KIAA0319L: variants seen among roughly 807,000 people sequenced by gnomAD.
KIAA0319L encodes dyslexia-associated protein KIAA0319-like protein.
KIAA0319L carries 55 observed loss-of-function variants against 120.1 expected under a neutral mutation model. The ratio of observed to expected loss-of-function variants is 0.46; its 90% confidence interval spans 0.37 to 0.57. The LOEUF is 0.57. Ranked by LOEUF, KIAA0319L falls within the 20% of genes least tolerant of loss-of-function variation. KIAA0319L has a pLI of 0.00. For missense variants in KIAA0319L, 1,049 were observed against 1,255.3 expected (o/e 0.84, Z 2.48); for synonymous variants, 398 against 471.9 (o/e 0.84, Z 2.03).
At chr1:35,484,809 T>A (rs1274491964) in intron 3 of KIAA0319L, among the ~76,000 whole-genome samples, 22 of 128,462 alleles carry the variant, frequency 1.7e-4, no homozygotes, top group Non-Finnish European at 2.6e-4. Context: ...TATATATATT[T>A]TTTTTTTTAT....
At chr1:35,557,602 T>C (rs958753224), upstream of KIAA0319L, 17 of 447,524 alleles carry the variant, frequency 3.8e-5, no homozygotes, top group Non-Finnish European at 7.6e-5. Flanking sequence ...CCAGAGGCAG[T>C]CTGCACCTTG....
intron 4 of KIAA0319L, 151 bp downstream of exon 4, chr1:35,478,815 C>T (rs1644018389): frequency 4.4e-6 from 4 of 911,012 alleles, no homozygotes; most frequent in Non-Finnish European, 6.6e-6. Flanking sequence ...CTAGAGCCCC[C>T]AGTCCATGAC....
rs1473204758 is a variant in KIAA0319L, at chr1:35,466,644, G to A, written c.1165C>T (p.His389Tyr). The A allele has an allele frequency of 6.2e-7, 1 of 1,613,648 alleles. No individual in the cohort carries two copies. The highest frequency in any genetic ancestry group is 8.5e-7 in the Non-Finnish European group (1 of 1,179,678). ...FKVIVEGQNA[H>Y]GEGYVNVTVK... ...GTCACGTTCACATAGCCTTCCCCAT[G>A]GGCATTTTGACCCTCTACAATCACT... Residue 389 changes from histidine (H) to tyrosine (Y), a missense_variant, in exon 7 of 21, where the codon CAT becomes TAT. Physicochemically the swap from His to Tyr is moderately conservative, Grantham distance 83. Transcript: ENST00000325722.
chr1:35,519,442 C>T (rs1645821564), intron 2 of KIAA0319L, among the ~76,000 whole-genome samples: 1 of 152,152 alleles, frequency 6.6e-6, no homozygotes, highest in South Asian at 2.1e-4. Context: ...TCCACATTTC[C>T]AGCTCAGGCT....
At chr1:35,481,819 T>C (rs911604188) in intron 3 of KIAA0319L, among the ~76,000 whole-genome samples, 61 of 120,396 alleles carry the variant, frequency 5.1e-4, no homozygotes, top group Non-Finnish European at 7.5e-4. Context: ...TGTTTCTTTT[T>C]TTTTTTTTTT....
At chr1:35,502,290 G>GA (rs1020664007) in intron 3 of KIAA0319L, among the ~76,000 whole-genome samples, 20 of 140,960 alleles carry the variant, frequency 1.4e-4, no homozygotes, top group African/African-American at 2.1e-4. Flanking sequence ...AAAAAAAAAA[G>GA]AAAAAAAAAA....
chr1:35,475,081 GA>G (rs1643861593), intron 4 of KIAA0319L, among the ~76,000 whole-genome samples, 175 bp from the exon 5 acceptor site: 1 of 151,950 alleles, frequency 6.6e-6, no homozygotes, highest in South Asian at 2.1e-4. Context: ...CTTTTCCATT[GA>G]AAAGGATCTT....
At chr1:35,479,399 T>C (rs1459687149) in intron 3 of KIAA0319L, among the ~76,000 whole-genome samples, 187 bp from the exon 4 acceptor site, 1 of 152,218 alleles carries the variant, frequency 6.6e-6, no homozygotes, top group African/African-American at 2.4e-5. Flanking sequence ...TGAGTTTTTT[T>C]CCTAGCCAAA....
At chr1:35,542,217 T>A (rs1273879853) in intron 2 of KIAA0319L, among the ~76,000 whole-genome samples, 1 of 152,238 alleles carries the variant, frequency 6.6e-6, no homozygotes, top group Non-Finnish European at 1.5e-5. Flanking sequence ...GCTAAGCCCT[T>A]TGCATGAATA....
At position 35,449,954 on chromosome 1, in the gene KIAA0319L, C is replaced by T; in HGVS notation, c.2266G>A (p.Val756Ile). Residue 756 changes from valine (V) to isoleucine (I), a missense_variant, in exon 15 of 21, where the codon GTT becomes ATT. Transcript: ENST00000325722. Reference sequence around the variant, plus strand: ...AGGTGAAAAGTGTAGGTTCCCTCAACCAGGTTTGAAAGAAAAAGGATAGGG... The same window carrying T: ...AGGTGAAAAGTGTAGGTTCCCTCAATCAGGTTTGAAAGAAAAAGGATAGGG... ...HHPILFLSNL[V>I]EGTYTFHLKV... 6.2e-7 allele frequency: 1 copy of T among 1,614,134 alleles called. No individual in the cohort carries two copies. The highest frequency in any genetic ancestry group is 1.3e-5 in the African/African-American group (1 of 75,034).
chr1:35,542,161 G>A (rs1159909010), intron 2 of KIAA0319L, among the ~76,000 whole-genome samples: 2 of 152,174 alleles, frequency 1.3e-5, no homozygotes, highest in East Asian at 1.9e-4. Context: ...AAACTTTTAC[G>A]TTATTGCTAA....
chr1:35,447,435 G>A (rs532882735), intron 16 of KIAA0319L, among the ~76,000 whole-genome samples: 2 of 152,030 alleles, frequency 1.3e-5, no homozygotes, highest in Non-Finnish European at 2.9e-5. Context: ...CACTAAGCTT[G>A]AACCAAGTGA....
chr1:35,520,057 A>G (rs575480106), intron 2 of KIAA0319L, among the ~76,000 whole-genome samples: 1 of 150,212 alleles, frequency 6.7e-6, no homozygotes, highest in Admixed American at 6.6e-5. Context: ...TTCATTATTT[A>G]TTTCATTTCC....
rs1377499510 is a variant in KIAA0319L, at chr1:35,453,702, G to C, written c.1781-13C>G. 6.2e-7 allele frequency: 1 copy of C among 1,610,990 alleles called. No individual in the cohort carries two copies. Among genetic ancestry groups the C allele is most frequent in the Non-Finnish European group, 8.5e-7 (1 of 1,178,342 alleles). ...GGCTTATTGTTTTCTGGAAGACAAA[G>C]AGTTAGAGGTCAAAAGCAGCCAGTC... is the stretch of plus-strand genomic sequence containing the variant. On this transcript the variant is annotated splice_polypyrimidine_tract_variant and intron_variant, in intron 11 of 20. Transcript: ENST00000325722. This position sits in a 1 kb window ranked among gnomAD's most constrained non-coding sequence, Gnocchi z 4.1.
intron 2 of KIAA0319L, among the ~76,000 whole-genome samples, chr1:35,518,263 T>A (rs370638912): frequency 6.6e-6 from 1 of 152,150 alleles, no homozygotes; most frequent in African/African-American, 2.4e-5. Context: ...GACACATGCA[T>A]GTGAGTGTTC....
At chr1:35,476,273 C>T (rs115008070) in intron 4 of KIAA0319L, among the ~76,000 whole-genome samples, 169 of 152,282 alleles carry the variant, frequency 1.1e-3, no homozygotes, top group African/African-American at 3.8e-3. Context: ...ACTCACCAGA[C>T]GTCAGTAGCA....
chr1:35,512,826 C>T (rs1645507571), intron 2 of KIAA0319L, among the ~76,000 whole-genome samples: 1 of 144,972 alleles, frequency 6.9e-6, no homozygotes, highest in African/African-American at 2.6e-5. Flanking sequence ...GAGCCGAGAT[C>T]GCACCACTGT....
chr1:35,456,848 GAT>G (rs1642491583), intron 9 of KIAA0319L, among the ~76,000 whole-genome samples: 1 of 135,956 alleles, frequency 7.4e-6, no homozygotes, highest in African/African-American at 2.7e-5. Flanking sequence ...AGGAAGGAGA[GAT>G]GGAGGGAAGG....
Position 35,474,826 on chromosome 1 carries a change from C to T in KIAA0319L, c.994G>A (p.Val332Ile), listed in dbSNP as rs747972700. ...TTACCTTTAGGTGGTTCTTGGAGAA[C>T]ATATGCATTTAATTGAACTTCATTC... ...PKNEVQLNAY[V>I]LQEPPKGETY... is the part of the protein sequence containing the mutation. Residue 332 changes from valine (V) to isoleucine (I), a missense_variant, in exon 5 of 21, where the codon GTT becomes ATT. Transcript: ENST00000325722. 4 of 1,604,330 alleles carry T rather than the reference C, an allele frequency of 2.5e-6. No individual in the cohort carries two copies. The highest frequency in any genetic ancestry group is 2.6e-6 in the Non-Finnish European group (3 of 1,171,562).
Sources: gnomAD v4.1 joint callset for allele counts (sites outside exome capture counted in the v4.1 genomes callset) on GRCh38, gnomAD v4.1.1 for gene constraint, Gnocchi (gnomAD v3.1) non-coding constraint, MANE v1.5 for transcripts, NCBI Gene and HGNC (gene_info 2026-07-23, HGNC 2026-07-21) for gene names.